The following DCAF8L2 variants were observed in gnomAD, a reference collection of about 807,000 sequenced individuals.
DCAF8L2 encodes the protein DDB1 and CUL4 associated factor 8 like 2.
For synonymous variants in DCAF8L2, 200 were observed against 190.9 expected, an observed-to-expected ratio of 1.05 and a Z score of -0.39; for missense variants, 430 against 490.7, an observed-to-expected ratio of 0.88 and a Z score of 1.17.
the DCAF8L2 span, among the ~76,000 whole-genome samples, chrX:27,491,387 T>C: frequency 2.7e-5 from 3 of 112,363 alleles, no homozygotes; most frequent in Non-Finnish European, 3.8e-5. Flanking sequence ...TTGAATTTCT[T>C]TGGTAACATG....
the DCAF8L2 span, among the ~76,000 whole-genome samples, chrX:27,472,869 C>T: frequency 1.8e-5 from 2 of 111,561 alleles, no homozygotes; most frequent in Non-Finnish European, 3.8e-5. Flanking sequence ...TTTTCTCATG[C>T]CTCTGACTGT....
chrX:27,715,329 T>C lies in DCAF8L2; in HGVS notation c.-142-759T>C, dbSNP rs377254840. On this transcript the variant is annotated intron_variant, in intron 3 of 4. Transcript: ENST00000451261. ...TTGCAGTGAGCCAAGATCGCGCCAC[T>C]GCACTCCAACCTGGGCGACAGAGCG... Among the ~76,000 whole-genome samples the C allele has an allele frequency of 3.9e-4, 38 of 97,087 alleles. 2 individuals carry two copies. Among genetic ancestry groups the C allele is most frequent in the Admixed American group, 2.7e-3 (22 of 8,267 alleles). The allele number at this position is 97,087 out of a possible 115,157, so 84.3% of individuals were successfully genotyped here.
intron 4 of DCAF8L2, among the ~76,000 whole-genome samples, chrX:27,728,316 C>CTTG (rs60828124): frequency 0.1 from 11,239 of 109,702 alleles, 594 homozygotes; most frequent in East Asian, 0.33. Flanking sequence ...AATTCAATGT[C>CTTG]TTGTTGTTGT....
chrX:27,685,072 A>G (rs767275132), intron 3 of DCAF8L2, among the ~76,000 whole-genome samples: 1 of 111,797 alleles, frequency 8.9e-6, no homozygotes, highest in African/African-American at 3.2e-5. Context: ...TCTCATCAGC[A>G]TTGTGCACTA....
intron 1 of DCAF8L2, among the ~76,000 whole-genome samples, chrX:27,618,733 A>G (rs1927594547): frequency 9.0e-6 from 1 of 111,426 alleles, no homozygotes; most frequent in African/African-American, 3.3e-5. Flanking sequence ...GAAGTGATCA[A>G]CTTGAATACG....
chrX:27,504,680 G>A, the DCAF8L2 span, among the ~76,000 whole-genome samples: 60 of 111,411 alleles, frequency 5.4e-4, no homozygotes, highest in East Asian at 9.3e-3. Context: ...GGATATGGGA[G>A]GAATGAAAAA....
At chrX:27,592,599 G>A (rs1926162890) in intron 1 of DCAF8L2, among the ~76,000 whole-genome samples, 1 of 108,633 alleles carries the variant, frequency 9.2e-6, no homozygotes, top group South Asian at 4.0e-4. Flanking sequence ...ACCATGACAG[G>A]ATAATTTTTT....
At chrX:27,503,042 A>G in the DCAF8L2 span, among the ~76,000 whole-genome samples, 27 of 111,640 alleles carry the variant, frequency 2.4e-4, no homozygotes, top group Admixed American at 8.6e-4. Flanking sequence ...TAAAACAAAT[A>G]TTTTCTAGAA....
intron 1 of DCAF8L2, among the ~76,000 whole-genome samples, chrX:27,612,885 T>TTTC (rs2147139994): frequency 8.9e-6 from 1 of 111,966 alleles, no homozygotes; most frequent in South Asian, 3.7e-4. Flanking sequence ...GGTAGCGTGA[T>TTTC]ACCTCCACCT....
the DCAF8L2 span, among the ~76,000 whole-genome samples, chrX:27,505,248 T>C: frequency 9.0e-6 from 1 of 111,217 alleles, no homozygotes; most frequent in Non-Finnish European, 1.9e-5. Context: ...TGACCCTAGA[T>C]ACGAACCCAT....
intron 1 of DCAF8L2, among the ~76,000 whole-genome samples, chrX:27,615,906 G>A (rs1463443047): frequency 9.0e-6 from 1 of 110,550 alleles, no homozygotes; most frequent in Non-Finnish European, 1.9e-5. Context: ...TATTTCACAT[G>A]TATGGCAGTG....
intron 2 of DCAF8L2, chrX:27,677,075 T>C (rs1280674696): frequency 9.0e-6 from 1 of 111,667 alleles, no homozygotes; most frequent in African/African-American, 3.2e-5. Flanking sequence ...AAAAACCCTG[T>C]TGAAATTGAA....
At chrX:27,641,893 T>A (rs112523634) in intron 2 of DCAF8L2, among the ~76,000 whole-genome samples, 14 of 106,003 alleles carry the variant, frequency 1.3e-4, no homozygotes, top group South Asian at 4.1e-4. Flanking sequence ...GTACTTTTTT[T>A]AAATTTTTTT....
the DCAF8L2 span, among the ~76,000 whole-genome samples, chrX:27,545,461 G>A: frequency 8.9e-6 from 1 of 112,195 alleles, no homozygotes. Context: ...GGAATGCTAT[G>A]ACAGAAATGT....
At chrX:27,689,524 C>T (rs1161713658) in intron 3 of DCAF8L2, among the ~76,000 whole-genome samples, 2 of 112,694 alleles carry the variant, frequency 1.8e-5, no homozygotes, top group Non-Finnish European at 1.9e-5. Flanking sequence ...GGATTACAGG[C>T]GTGAGCCACC....
Position 27,748,507 on chromosome X carries a change from A to G in DCAF8L2, c.1612A>G (p.Lys538Glu). 1 of 1,211,314 alleles carries G rather than the reference A, an allele frequency of 8.3e-7. No homozygotes were observed. Among genetic ancestry groups the G allele is most frequent in the South Asian group, 1.8e-5 (1 of 56,890 alleles). Residue 538 changes from lysine (K) to glutamate (E), a missense_variant, in exon 5 of 5, where the codon AAG becomes GAG. By Grantham distance (56) the Lys-to-Glu change is moderately conservative. Coordinates refer to ENST00000451261, the MANE Select transcript of DCAF8L2 (RefSeq NM_001353450.2). The part of the protein sequence containing the change: ...LACSGLDHDV[K>E]IWTPTAKAAT... ...GTGCAGTGGCCTAGATCATGATGTC[A>G]AGATCTGGACACCCACAGCTAAAGC...
At position 27,747,282 on chromosome X, in the gene DCAF8L2, A is replaced by AAGAGGAGGAG. The variant is rs1922245768; in HGVS notation, c.387_388insAGAGGAGGAG (p.Glu130ArgfsTer35). 2 of 939,382 alleles carry AAGAGGAGGAG rather than the reference A, an allele frequency of 2.1e-6. No individual in the cohort carries two copies. The highest frequency in any genetic ancestry group is 5.2e-5 in the African/African-American group (2 of 38,527). The allele number at this position is 939,382 out of a possible 1,213,427, so 77.4% of individuals were successfully genotyped here. A position where few individuals can be genotyped will look rare whatever the true frequency, so the allele number is the denominator to read the frequency against. ...AAGAGGAGGGAGGGGAGGAGGAGGA[A>AAGAGGAGGAG]GAGGAGGAGGAGGAGGAGGAGGAGG... On this transcript the variant is annotated frameshift_variant, in exon 5 of 5. Transcript: ENST00000451261. LOFTEE classifies it low-confidence loss of function (END_TRUNC).
At chrX:27,698,635 T>G (rs2147264538) in intron 3 of DCAF8L2, among the ~76,000 whole-genome samples, 1 of 112,229 alleles carries the variant, frequency 8.9e-6, no homozygotes, top group Non-Finnish European at 1.9e-5. Context: ...TTAAACTTTT[T>G]CTTAAAAAAT....
chrX:27,695,018 C>G lies in DCAF8L2; in HGVS notation c.-143+17106C>G, dbSNP rs776667686. Among the ~76,000 whole-genome samples the G allele has an allele frequency of 5.4e-5, 6 of 112,071 alleles. 1 individual carries two copies. The South Asian group carries it at 2.2e-3, about 41-fold the overall frequency. ...AAATTGCTCTTTTCTTTCTTCTTTT[C>G]TACCTCAACCACATCAGTTTGTGCA... On this transcript the variant is annotated intron_variant, in intron 3 of 4. Coordinates refer to ENST00000451261, the MANE Select transcript of DCAF8L2 (RefSeq NM_001353450.2).
Sources: allele counts gnomAD v4.1 joint callset (sites outside exome capture counted in the v4.1 genomes callset), GRCh38; gene constraint gnomAD v4.1.1; transcripts MANE v1.5; gene names NCBI Gene and HGNC (gene_info 2026-07-23, HGNC 2026-07-21).